The following RBFOX3 variants were observed in gnomAD, a reference collection of about 807,000 sequenced individuals.
RBFOX3 encodes RNA binding fox-1 homolog 3.
Under a neutral mutation model 48.7 loss-of-function variants are expected in RBFOX3, and 17 were observed. The observed-to-expected ratio is 0.35, with a 90% CI of 0.24 to 0.52. The LOEUF (loss-of-function observed/expected upper bound fraction) is 0.52. RBFOX3 is among the 20% of genes least tolerant of loss of function. RBFOX3 has a pLI of 0.94. For missense variants in RBFOX3, 382 were observed against 497.5 expected (o/e 0.77, Z 2.21); for synonymous variants, 212 against 209.5 (o/e 1.01, Z -0.10).
At chr17:79,358,653 G>T (rs1027024306) in intron 2 of RBFOX3, among the ~76,000 whole-genome samples, 3 of 151,898 alleles carry the variant, frequency 2.0e-5, no homozygotes, top group African/African-American at 7.3e-5. Flanking sequence ...TAGAGAAGGG[G>T]TTTCACCATG....
chr17:79,298,685 C>T (rs984026701), intron 3 of RBFOX3, among the ~76,000 whole-genome samples: 14 of 152,244 alleles, frequency 9.2e-5, no homozygotes, highest in African/African-American at 2.4e-4. Flanking sequence ...CCCTGAGATC[C>T]GAGGGTCATC....
chr17:79,306,596 T>A (rs1380077843), intron 3 of RBFOX3, among the ~76,000 whole-genome samples: 2 of 152,160 alleles, frequency 1.3e-5, no homozygotes, highest in Non-Finnish European at 2.9e-5. Flanking sequence ...TCAGGGGCCA[T>A]CCCGAGGCCA....
chr17:79,476,500 G>T (rs999209623), intron 2 of RBFOX3, among the ~76,000 whole-genome samples: 2 of 152,220 alleles, frequency 1.3e-5, no homozygotes, highest in Admixed American at 6.5e-5. Context: ...TGCCACTGAG[G>T]TCTGTGACAT....
chr17:79,480,419 C>T lies in RBFOX3; in HGVS notation c.-175+2035G>A, dbSNP rs1326833236. Among the ~76,000 whole-genome samples, 1 of 152,184 alleles carries T rather than the reference C, an allele frequency of 6.6e-6. No individual in the cohort carries two copies. Among genetic ancestry groups the T allele is most frequent in the Non-Finnish European group, 1.5e-5 (1 of 68,022 alleles). On this transcript the variant is annotated intron_variant, in intron 2 of 14. Coordinates refer to ENST00000693108, the MANE Select transcript of RBFOX3 (RefSeq NM_001350451.2). The surrounding 1 kb of genome is among the most constrained non-coding windows in gnomAD (Gnocchi z 4.8). Reference sequence around the variant, plus strand: ...CCTTGCTTCCACTCTGTCCCCCTCACAGAAGGCAGAGACACCTTTGTATGT... The same window carrying T: ...CCTTGCTTCCACTCTGTCCCCCTCATAGAAGGCAGAGACACCTTTGTATGT...
intron 1 of RBFOX3, among the ~76,000 whole-genome samples, chr17:79,486,860 G>A (rs1375985491): frequency 1.3e-5 from 2 of 152,192 alleles, no homozygotes; most frequent in Admixed American, 1.3e-4. Flanking sequence ...CTCTCAGCCT[G>A]GCTGCTTCAA....
chr17:79,474,619 G>A (rs1304695034), intron 2 of RBFOX3, among the ~76,000 whole-genome samples: 1 of 152,166 alleles, frequency 6.6e-6, no homozygotes, highest in African/African-American at 2.4e-5. Context: ...GTGAACTTCA[G>A]TGCAGCGTGT....
chr17:79,416,583 G>A (rs1004477586), intron 2 of RBFOX3, among the ~76,000 whole-genome samples: 3 of 152,232 alleles, frequency 2.0e-5, no homozygotes, highest in Non-Finnish European at 2.9e-5. Flanking sequence ...TCCCACGGGG[G>A]CCAGCAGGTG....
chr17:79,150,213 G>A (rs2044113669), intron 4 of RBFOX3, among the ~76,000 whole-genome samples: 1 of 151,962 alleles, frequency 6.6e-6, no homozygotes, highest in South Asian at 2.1e-4. Context: ...ACGACCTAGA[G>A]CAGCAGCCAC....
chr17:79,478,473 G>A (rs1555764365), intron 2 of RBFOX3, among the ~76,000 whole-genome samples: 1 of 152,246 alleles, frequency 6.6e-6, no homozygotes, highest in Admixed American at 6.5e-5. Context: ...ATCTCATGCT[G>A]TCTGCATCAG....
At chr17:79,616,698 G>A in the RBFOX3 span, among the ~76,000 whole-genome samples, 675 of 152,026 alleles carry the variant, frequency 4.4e-3, 3 homozygotes, top group African/African-American at 0.016. Flanking sequence ...GCACGCTGTG[G>A]GACCCTGTGC....
intron 4 of RBFOX3, among the ~76,000 whole-genome samples, chr17:79,123,750 C>T (rs997302969): frequency 1.3e-5 from 2 of 152,196 alleles, no homozygotes; most frequent in African/African-American, 2.4e-5. Flanking sequence ...CCATTCCTAT[C>T]GCACCTGGCA....
intron 1 of RBFOX3, among the ~76,000 whole-genome samples, chr17:79,544,975 CA>C (rs10584963): frequency 0.038 from 3,074 of 81,592 alleles, 72 homozygotes; most frequent in African/African-American, 0.096. Flanking sequence ...TCATTAAGGG[CA>C]AAAAAAAAAA....
chr17:79,402,407 G>A (rs1193973590), intron 2 of RBFOX3, among the ~76,000 whole-genome samples: 1 of 152,222 alleles, frequency 6.6e-6, no homozygotes, highest in Non-Finnish European at 1.5e-5. Flanking sequence ...GCCCAGGACA[G>A]GCGGAAAACT....
At chr17:79,500,503 C>T (rs894072260) in intron 1 of RBFOX3, among the ~76,000 whole-genome samples, 7 of 152,028 alleles carry the variant, frequency 4.6e-5, no homozygotes, top group South Asian at 2.1e-4. Context: ...GTGATCCTCC[C>T]GCCTTGGCCT....
intron 2 of RBFOX3, among the ~76,000 whole-genome samples, chr17:79,467,188 C>T (rs1389683431): frequency 2.0e-5 from 3 of 152,094 alleles, no homozygotes; most frequent in Admixed American, 6.5e-5. Flanking sequence ...CTGCTGCAGA[C>T]GGGGGGTCCT....
chr17:79,120,136 T>A (rs1435366893), intron 4 of RBFOX3, among the ~76,000 whole-genome samples: 1 of 152,190 alleles, frequency 6.6e-6, no homozygotes, highest in Non-Finnish European at 1.5e-5. Context: ...GATGACCTCA[T>A]GTTGGACCAG....
chr17:79,490,441 G>A (rs929762927), intron 1 of RBFOX3, among the ~76,000 whole-genome samples: 3 of 152,162 alleles, frequency 2.0e-5, no homozygotes, highest in Admixed American at 6.5e-5. Context: ...AGTGGGGCTG[G>A]GGGCCCAGAA....
intron 4 of RBFOX3, among the ~76,000 whole-genome samples, chr17:79,232,040 A>T (rs2061097306): frequency 6.6e-6 from 1 of 152,212 alleles, no homozygotes; most frequent in African/African-American, 2.4e-5. Context: ...GCAAGCAGGG[A>T]AATACCAGAC....
chr17:79,407,031 T>C (rs1485622467), intron 2 of RBFOX3, among the ~76,000 whole-genome samples: 1 of 152,210 alleles, frequency 6.6e-6, no homozygotes, highest in Non-Finnish European at 1.5e-5. Context: ...TGTTTTGAGA[T>C]GAAGTTTCGC....
Sources: gnomAD v4.1 joint callset for allele counts (sites outside exome capture counted in the v4.1 genomes callset) on GRCh38, gnomAD v4.1.1 for gene constraint, Gnocchi (gnomAD v3.1) non-coding constraint, MANE v1.5 for transcripts, NCBI Gene and HGNC (gene_info 2026-07-23, HGNC 2026-07-21) for gene names.